The following LUZP2 variants were observed in gnomAD, a reference collection of about 807,000 sequenced individuals.
The protein encoded by LUZP2 is leucine zipper protein 2.
In LUZP2, 52 loss-of-function variants were observed where a neutral mutation model predicts 51.6. That is an observed-to-expected ratio of 1.01 (90% CI 0.81 to 1.27). The LOEUF is 1.27. LUZP2 is among the 50% of genes most tolerant of loss of function. The probability of loss-of-function intolerance (pLI) is 0.00; values close to 1 mark genes in which losing one functional copy is unlikely to be tolerated. For synonymous variants in LUZP2, 154 were observed against 137.3 expected, an observed-to-expected ratio of 1.12 and a Z score of -0.85; for missense variants, 436 against 395.4, an observed-to-expected ratio of 1.10 and a Z score of -0.87.
chr11:25,024,401 T>C (rs1409957372), intron 9 of LUZP2, among the ~76,000 whole-genome samples: 10 of 151,650 alleles, frequency 6.6e-5, no homozygotes, highest in Admixed American at 5.9e-4. Context: ...GAAAACCCCA[T>C]CGTCTCAGCC....
intron 1 of LUZP2, among the ~76,000 whole-genome samples, chr11:24,558,811 A>G (rs1851947645): frequency 6.6e-6 from 1 of 152,170 alleles, no homozygotes; most frequent in South Asian, 2.1e-4. Context: ...TCCTTTTGCC[A>G]TGTAAGAGCA....
At chr11:25,030,930 A>AATAT (rs1857641748) in intron 9 of LUZP2, among the ~76,000 whole-genome samples, 1 of 7,466 alleles carries the variant, frequency 1.3e-4, no homozygotes, top group Non-Finnish European at 2.2e-4. Context: ...ATATATATAT[A>AATAT]ATATATATTA....
chr11:24,763,070 T>A (rs768787349), intron 4 of LUZP2, 176 bp from the exon 5 acceptor site: 10 of 432,256 alleles, frequency 2.3e-5, no homozygotes, highest in Non-Finnish European at 3.1e-5. Flanking sequence ...ATATAATCAA[T>A]GAATATATGT....
chr11:24,531,987 G>T (rs1851016213), intron 1 of LUZP2, among the ~76,000 whole-genome samples: 1 of 150,972 alleles, frequency 6.6e-6, no homozygotes, highest in Non-Finnish European at 1.5e-5. Context: ...CCAAGCTGCT[G>T]CAATTTTGTT....
chr11:24,980,536 T>C (rs1269515375), intron 8 of LUZP2, among the ~76,000 whole-genome samples: 1 of 151,714 alleles, frequency 6.6e-6, no homozygotes, highest in Non-Finnish European at 1.5e-5. Flanking sequence ...ATTTTTTATA[T>C]AACAAGCGTG....
intron 1 of LUZP2, among the ~76,000 whole-genome samples, chr11:24,721,024 A>G (rs183451355): frequency 6.6e-6 from 1 of 152,292 alleles, no homozygotes. Context: ...TGAAGCAGTT[A>G]CCTACGGTTA....
At chr11:24,727,422 T>C (rs546224435) in intron 1 of LUZP2, among the ~76,000 whole-genome samples, 1 of 152,170 alleles carries the variant, frequency 6.6e-6, no homozygotes, top group South Asian at 2.1e-4. Flanking sequence ...TACGGATGTG[T>C]TATGCACGTC....
intron 9 of LUZP2, among the ~76,000 whole-genome samples, chr11:24,994,581 AT>A (rs1469150640): frequency 6.6e-6 from 1 of 152,164 alleles, no homozygotes; most frequent in Non-Finnish European, 1.5e-5. Context: ...AGTTCTTTGT[AT>A]TTAAAGTTTG....
intron 1 of LUZP2, among the ~76,000 whole-genome samples, chr11:24,639,191 T>A (rs1277785314): frequency 1.3e-5 from 2 of 151,840 alleles, no homozygotes; most frequent in African/African-American, 4.9e-5. Context: ...AGTAGAATCA[T>A]TTTGTTTCTC....
intron 5 of LUZP2, chr11:24,892,483 T>C (rs943202643): frequency 1.7e-4 from 126 of 735,006 alleles, no homozygotes; most frequent in Non-Finnish European, 2.0e-4. Context: ...AATATATTAA[T>C]AGCCTATTTC....
At chr11:24,528,139 A>G (rs973549516) in intron 1 of LUZP2, among the ~76,000 whole-genome samples, 4 of 151,410 alleles carry the variant, frequency 2.6e-5, no homozygotes, top group Admixed American at 6.6e-5. Context: ...ATAATTGAAA[A>G]TATAAAAGGA....
chr11:24,704,247 A>G (rs955456859), intron 1 of LUZP2, among the ~76,000 whole-genome samples: 1 of 152,190 alleles, frequency 6.6e-6, no homozygotes. Context: ...TTGGACAAGC[A>G]CAGAGTTAAA....
chr11:24,980,584 C>A (rs1329019096), intron 8 of LUZP2, among the ~76,000 whole-genome samples: 2 of 151,240 alleles, frequency 1.3e-5, no homozygotes, highest in South Asian at 2.1e-4. Context: ...AGATAGGATA[C>A]CAGCCTTCAA....
At chr11:24,671,288 T>G (rs937174417) in intron 1 of LUZP2, among the ~76,000 whole-genome samples, 1 of 151,992 alleles carries the variant, frequency 6.6e-6, no homozygotes, top group African/African-American at 2.4e-5. Context: ...AGCAGTTTTT[T>G]GTAAATTTTA....
chr11:24,984,778 A>G (rs1856145240), intron 9 of LUZP2, among the ~76,000 whole-genome samples: 1 of 151,280 alleles, frequency 6.6e-6, no homozygotes, highest in South Asian at 2.1e-4. Context: ...TACCCTTTAT[A>G]AAATCGAGAT....
intron 5 of LUZP2, among the ~76,000 whole-genome samples, chr11:24,812,054 A>G (rs1162792895): frequency 6.6e-6 from 1 of 152,204 alleles, no homozygotes; most frequent in Non-Finnish European, 1.5e-5. Context: ...TTTCATCGAC[A>G]ATATGGGCTG....
chr11:24,555,237 G>A (rs1260042351), intron 1 of LUZP2, among the ~76,000 whole-genome samples: 1 of 152,134 alleles, frequency 6.6e-6, no homozygotes, highest in African/African-American at 2.4e-5. Flanking sequence ...AAGATAGTAT[G>A]TAGAAGTGGA....
rs1055128488 is a variant in LUZP2 at position 25,082,554 on chromosome 11, G to T, written c.*3896G>T. On this transcript the variant is annotated 3_prime_UTR_variant, in exon 12 of 12. Transcript: ENST00000336930. ...CCCAAACTATGTGTTCATTTGGATT[G>T]TGTTATATAATAACAGTCGAATGAT... 6.6e-6 allele frequency: 1 copy of T among 152,114 alleles called. No homozygotes were observed. Among genetic ancestry groups the T allele is most frequent in the Non-Finnish European group, 1.5e-5 (1 of 67,994 alleles). 9.4% of individuals were successfully genotyped at this position (152,114 alleles called of 1,614,324 possible).
chr11:24,761,506 G>C (rs1370813214), intron 4 of LUZP2, among the ~76,000 whole-genome samples: 1 of 152,100 alleles, frequency 6.6e-6, no homozygotes, highest in Non-Finnish European at 1.5e-5. Flanking sequence ...ACTGGGAAAT[G>C]ATGATAATGG....
Sources: allele counts gnomAD v4.1 joint callset (sites outside exome capture counted in the v4.1 genomes callset), GRCh38; gene constraint gnomAD v4.1.1; transcripts MANE v1.5; gene names NCBI Gene and HGNC (gene_info 2026-07-23, HGNC 2026-07-21).